The following LIPC variants were observed in gnomAD, a reference collection of about 807,000 sequenced individuals.
LIPC encodes the protein hepatic triacylglycerol lipase.
In LIPC, 44 loss-of-function variants were observed where a neutral mutation model predicts 50.7. The observed-to-expected ratio is 0.87, with a 90% CI of 0.68 to 1.11. The LOEUF is 1.11. Among genes scored for constraint, LIPC ranks in the 50% most tolerant of loss-of-function variants. The probability of loss-of-function intolerance (pLI) is 0.00; values close to 1 mark genes in which losing one functional copy is unlikely to be tolerated. For missense variants in LIPC, 697 were observed against 648.2 expected (o/e 1.08, Z -0.82); for synonymous variants, 271 against 256.4 (o/e 1.06, Z -0.54).
intron 1 of LIPC, among the ~76,000 whole-genome samples, chr15:58,519,645 C>A (rs1892592985): frequency 6.6e-6 from 1 of 152,174 alleles, no homozygotes; most frequent in African/African-American, 2.4e-5. Flanking sequence ...AGGAGCTGCC[C>A]CTGTTTGCAG....
intron 1 of LIPC, among the ~76,000 whole-genome samples, chr15:58,511,517 C>A (rs1200749707): frequency 6.6e-6 from 1 of 152,210 alleles, no homozygotes; most frequent in Non-Finnish European, 1.5e-5. Flanking sequence ...GGTTAGGGCC[C>A]AGGCAAGTTC....
At chr15:58,564,152 A>ATCTC (rs60807082) in intron 8 of LIPC, 29,480 of 160,230 alleles carry the variant, frequency 0.18, 2,439 homozygotes, top group South Asian at 0.36. Flanking sequence ...ATCTCGATGT[A>ATCTC]TCTCTCTCTC....
chr15:58,494,723 T>A, intron 1 of LIPC: 1 of 454,172 alleles, frequency 2.2e-6, no homozygotes, highest in South Asian at 1.6e-5. Context: ...ACAGCTTGGG[T>A]GGGATCTCTT....
intron 1 of LIPC, among the ~76,000 whole-genome samples, chr15:58,532,690 T>A (rs1322486863): frequency 1.3e-5 from 2 of 152,162 alleles, no homozygotes; most frequent in Non-Finnish European, 2.9e-5. Context: ...AGCCCAGGCA[T>A]CATGGGCGGG....
chr15:58,526,458 G>A (rs1314830739), intron 1 of LIPC, among the ~76,000 whole-genome samples: 2 of 152,162 alleles, frequency 1.3e-5, no homozygotes, highest in Non-Finnish European at 2.9e-5. Context: ...AGCCAAGTAG[G>A]CTCCAGAGCT....
intron 1 of LIPC, among the ~76,000 whole-genome samples, chr15:58,469,234 A>G (rs1268152938): frequency 6.6e-6 from 1 of 151,772 alleles, no homozygotes; most frequent in African/African-American, 2.4e-5. Flanking sequence ...TCCTGGCCCA[A>G]GTAATCCTCC....
intron 1 of LIPC, among the ~76,000 whole-genome samples, chr15:58,492,542 G>C (rs1891621613): frequency 6.6e-6 from 1 of 152,076 alleles, no homozygotes; most frequent in Admixed American, 6.5e-5. Flanking sequence ...AAGAGGCCAA[G>C]TTACCTGCCC....
At chr15:58,563,856 A>C in intron 8 of LIPC, 133 bp downstream of exon 8, 1 of 797,558 alleles carries the variant, frequency 1.3e-6, no homozygotes, top group Non-Finnish European at 2.1e-6. Context: ...ACAGAAGCTC[A>C]GAAAGGTGAA....
chr15:58,512,208 C>G (rs1892350641), intron 1 of LIPC, among the ~76,000 whole-genome samples: 1 of 151,954 alleles, frequency 6.6e-6, no homozygotes, highest in Non-Finnish European at 1.5e-5. Flanking sequence ...AAGCGATTCT[C>G]CTGCCTCAGC....
chr15:58,514,632 T>C (rs1892430668), intron 1 of LIPC, among the ~76,000 whole-genome samples: 2 of 152,106 alleles, frequency 1.3e-5, no homozygotes, highest in African/African-American at 4.8e-5. Flanking sequence ...GAGACCAGCC[T>C]GGCAAACATG....
intron 1 of LIPC, among the ~76,000 whole-genome samples, chr15:58,447,767 C>T (rs1180205481): frequency 6.6e-6 from 1 of 152,100 alleles, no homozygotes; most frequent in African/African-American, 2.4e-5. Flanking sequence ...GTCTGGGTGA[C>T]GCCAGTGCCA....
chr15:58,559,702 C>CATAA (rs373261346), intron 6 of LIPC, among the ~76,000 whole-genome samples: 7 of 11,498 alleles, frequency 6.1e-4, no homozygotes, highest in Admixed American at 1.1e-3. Context: ...GACCCTGTCT[C>CATAA]AAAAAAAAAA....
intron 8 of LIPC, chr15:58,565,154 A>C: frequency 6.6e-7 from 1 of 1,523,230 alleles, no homozygotes; most frequent in Non-Finnish European, 8.8e-7. Flanking sequence ...AATTACTGAG[A>C]GCATACTCTG....
At chr15:58,447,754 T>G (rs1288461578) in intron 1 of LIPC, among the ~76,000 whole-genome samples, 2 of 152,320 alleles carry the variant, frequency 1.3e-5, no homozygotes, top group Non-Finnish European at 1.5e-5. Flanking sequence ...TTCCTAACAG[T>G]TGGTCTGGGT....
Position 58,457,323 on chromosome 15 carries a change from T to TGA in LIPC, c.88+25204_88+25205insAG, listed in dbSNP as rs1159603442. On this transcript the variant is annotated intron_variant, in intron 1 of 8. Coordinates refer to ENST00000299022, the MANE Select transcript of LIPC (RefSeq NM_000236.3). ...CAGGGTTTCTCCACTTTGGTCATGC[T>TGA]GGTCTCAAACTCCCGACCTCAGGTG... Among the ~76,000 whole-genome samples, 6 of 152,340 alleles carry TGA rather than the reference T, an allele frequency of 3.9e-5. No homozygotes were observed. The East Asian group carries it at 1.2e-3, about 29-fold the overall frequency.
intron 1 of LIPC, among the ~76,000 whole-genome samples, chr15:58,483,163 T>A (rs1000030749): frequency 6.6e-6 from 1 of 152,200 alleles, no homozygotes; most frequent in Non-Finnish European, 1.5e-5. Flanking sequence ...CTATTTAAAA[T>A]ATCTCTAGTT....
intron 1 of LIPC, among the ~76,000 whole-genome samples, chr15:58,448,063 T>C (rs544734351): frequency 6.6e-6 from 1 of 152,326 alleles, no homozygotes; most frequent in South Asian, 2.1e-4. Flanking sequence ...TTTCTGGTAA[T>C]GTGTATTCCT....
chr15:58,544,395 C>CTTTT (rs66982295), intron 4 of LIPC, among the ~76,000 whole-genome samples: 26 of 128,950 alleles, frequency 2.0e-4, no homozygotes, highest in African/African-American at 2.9e-4. Flanking sequence ...TTTTCTCTTT[C>CTTTT]TTTTTTTTTT....
At chr15:58,506,105 T>A (rs915433819) in intron 1 of LIPC, among the ~76,000 whole-genome samples, 4 of 152,136 alleles carry the variant, frequency 2.6e-5, no homozygotes, top group African/African-American at 9.7e-5. Context: ...TAGGCTGTGT[T>A]TGGGTGCCTG....
Sources: allele counts gnomAD v4.1 joint callset (sites outside exome capture counted in the v4.1 genomes callset), GRCh38; gene constraint gnomAD v4.1.1; transcripts MANE v1.5; gene names NCBI Gene and HGNC (gene_info 2026-07-23, HGNC 2026-07-21).